MAP4K1: variants seen among roughly 807,000 people sequenced by gnomAD.
The protein encoded by MAP4K1 is mitogen-activated protein kinase kinase kinase kinase 1, also known as MAPK/ERK kinase kinase kinase 1.
MAP4K1 carries 35 observed loss-of-function variants against 122.8 expected under a neutral mutation model. The observed-to-expected ratio is 0.29, with a 90% CI of 0.22 to 0.38. MAP4K1 has a LOEUF of 0.38. MAP4K1 is among the 10% of genes least tolerant of loss of function. The pLI is 1.00. For missense variants in MAP4K1, 791 were observed against 1,072.6 expected (o/e 0.74, Z 3.67); for synonymous variants, 412 against 421.3 (o/e 0.98, Z 0.27).
chr19:38,601,367 C>A, intron 20 of MAP4K1, 74 bp downstream of exon 20: 1 of 1,389,756 alleles, frequency 7.2e-7, no homozygotes, highest in South Asian at 1.2e-5. Flanking sequence ...TTGTGCCTTC[C>A]TTAGGCTTCT....
chr19:38,616,367 G>C (rs1038356866), intron 3 of MAP4K1, 108 bp from the exon 4 acceptor site: 1 of 736,586 alleles, frequency 1.4e-6, no homozygotes, highest in South Asian at 2.0e-5. Flanking sequence ...GAACTTTAAC[G>C]TAACAGCTCT....
chr19:38,616,360 C>T (rs1396561849), intron 3 of MAP4K1, 101 bp from the exon 4 acceptor site: 2 of 830,868 alleles, frequency 2.4e-6, no homozygotes, highest in Non-Finnish European at 3.7e-6. Context: ...TCAATAAGAA[C>T]TTTAACGTAA....
chr19:38,596,144 A>AC, intron 26 of MAP4K1, 143 bp from the exon 27 acceptor site: 1 of 1,153,546 alleles, frequency 8.7e-7, no homozygotes. Context: ...TCCCGGTCCC[A>AC]CCCCATCATC....
chr19:38,614,403 C>T lies in MAP4K1; in HGVS notation c.356G>A (p.Arg119Gln), dbSNP rs757141331. 4.3e-6 allele frequency: 7 copies of T among 1,614,100 alleles called. No individual in the cohort carries two copies. Among genetic ancestry groups the T allele is most frequent in the African/African-American group, 4.0e-5 (3 of 74,946 alleles). Residue 119 changes from arginine to glutamine, a missense_variant, in exon 5 of 31, where the codon CGG becomes CAG. Arg to Gln is a conservative substitution (Grantham distance 43, BLOSUM62 1). This residue lies in a region of MAP4K1 where 163 missense variants were observed against 286.1 expected (regional missense o/e 0.57). Transcript: ENST00000396857. The part of the protein sequence containing the change: ...LSELQISYVC[R>Q]EVLQGLAYLH... ...GCCTCTCCTTACCTGGAGCACTTCC[C>T]GGCAGACATAGCTAATCTGGAGCTC...
Position 38,596,883 on chromosome 19 carries a change from AGCGCAGACCGCAGGTGG to A in MAP4K1, c.1941+134_1941+150del, listed in dbSNP as rs534971637. On this transcript the variant is annotated intron_variant, in intron 25 of 30. Coordinates refer to ENST00000396857, the MANE Select transcript of MAP4K1 (RefSeq NM_001042600.3). ...ATGGCTTCAGAAGGACGAGGCTCCA[AGCGCAGACCGCAGGTGG>A]GCGGGGCCTCGGGAGATTGGGGCGG... 934 of 718,454 alleles carry A rather than the reference AGCGCAGACCGCAGGTGG, an allele frequency of 1.3e-3. 6 individuals are homozygous for A. The African/African-American group carries it at 0.015, about 11-fold the overall frequency. 44.5% of individuals were successfully genotyped at this position (718,454 alleles called of 1,614,324 possible). A position where few individuals can be genotyped will look rare whatever the true frequency, so the allele number is the denominator to read the frequency against.
intron 30 of MAP4K1, among the ~76,000 whole-genome samples, chr19:38,593,055 G>A (rs1052710873): frequency 6.6e-6 from 1 of 152,030 alleles, no homozygotes; most frequent in South Asian, 2.1e-4. Context: ...AGCCGTGGTC[G>A]TGCCATTGCA....
At chr19:38,605,529 C>T in intron 18 of MAP4K1, 38 bp from the exon 19 acceptor site, 1 of 1,533,938 alleles carries the variant, frequency 6.5e-7, no homozygotes, top group Non-Finnish European at 8.8e-7. Flanking sequence ...CCCAAGAACC[C>T]CCAACCCTCC....
At chr19:38,603,132 A>ATATACATATATACACACATATACATG (rs1975185710) in intron 19 of MAP4K1, among the ~76,000 whole-genome samples, 5 of 104,968 alleles carry the variant, frequency 4.8e-5, no homozygotes, top group Non-Finnish European at 9.6e-5. Flanking sequence ...ATATATACGC[A>ATATACATATATACACACATATACATG]TATACATATA....
intron 29 of MAP4K1, 35 bp downstream of exon 29, chr19:38,595,450 G>A: frequency 3.7e-6 from 6 of 1,607,796 alleles, no homozygotes; most frequent in African/African-American, 1.3e-5. Context: ...GGAGGCTGGG[G>A]GGCAGTGATG....
chr19:38,606,282 G>T, intron 16 of MAP4K1, 67 bp from the exon 17 acceptor site: 1 of 775,742 alleles, frequency 1.3e-6, no homozygotes, highest in Non-Finnish European at 2.1e-6. Context: ...AGATGGCATG[G>T]TTCTGGGCTG....
At chr19:38,602,401 T>C (rs1175228092) in intron 19 of MAP4K1, among the ~76,000 whole-genome samples, 5 of 147,252 alleles carry the variant, frequency 3.4e-5, no homozygotes, top group African/African-American at 1.0e-4. Flanking sequence ...CACATATACA[T>C]ATATATATAG....
At chr19:38,600,559 T>C (rs59969724) in intron 20 of MAP4K1, among the ~76,000 whole-genome samples, 3,121 of 152,208 alleles carry the variant, frequency 0.021, 102 homozygotes, top group African/African-American at 0.068. Flanking sequence ...CAGTGTGACC[T>C]GTTCCTTTAA....
At chr19:38,603,107 TATATACACATGTACATATATACGC>T in intron 19 of MAP4K1, among the ~76,000 whole-genome samples, 1 of 141,714 alleles carries the variant, frequency 7.1e-6, no homozygotes, top group Non-Finnish European at 1.5e-5. Flanking sequence ...CACATGTACA[TATATACACATGTACATATATACGC>T]ATATACATAT....
intron 22 of MAP4K1, among the ~76,000 whole-genome samples, chr19:38,599,648 G>C (rs113888016): frequency 0.087 from 13,157 of 151,706 alleles, 671 homozygotes; most frequent in South Asian, 0.16. Context: ...AGTGACAGAG[G>C]GAGACTCTGT....
chr19:38,605,515 A>G (rs1346236532), intron 18 of MAP4K1, 24 bp from the exon 19 acceptor site: 2 of 1,548,428 alleles, frequency 1.3e-6, no homozygotes, highest in African/African-American at 2.7e-5. Flanking sequence ...GGAGAAAATC[A>G]GCCCCCAAGA....
intron 20 of MAP4K1, among the ~76,000 whole-genome samples, chr19:38,600,953 G>A (rs957766388): frequency 6.6e-6 from 1 of 151,922 alleles, no homozygotes; most frequent in East Asian, 1.9e-4. Flanking sequence ...TTATAGGCAC[G>A]TGCTACCACG....
intron 19 of MAP4K1, among the ~76,000 whole-genome samples, chr19:38,602,552 A>T (rs1184435220): frequency 6.9e-6 from 1 of 145,962 alleles, no homozygotes; most frequent in African/African-American, 2.5e-5. Context: ...ATACATATAT[A>T]TACACACATA....
At chr19:38,609,756 G>A in intron 12 of MAP4K1, 82 bp from the exon 13 acceptor site, 1 of 1,382,032 alleles carries the variant, frequency 7.2e-7, no homozygotes, top group Non-Finnish European at 1.0e-6. Context: ...GCTCTCTCCT[G>A]TAACCCTCTG....
chr19:38,596,627 G>T (rs1016164471), intron 25 of MAP4K1, 141 bp from the exon 26 acceptor site: 5 of 746,570 alleles, frequency 6.7e-6, no homozygotes, highest in Non-Finnish European at 1.1e-5. Context: ...AGGGGATAAG[G>T]CCTGGTGCCT....
Sources: gnomAD v4.1 joint callset for allele counts (sites outside exome capture counted in the v4.1 genomes callset) on GRCh38, gnomAD v4.1.1 for gene constraint, gnomAD v4.1.1 regional missense constraint, MANE v1.5 for transcripts, NCBI Gene and HGNC (gene_info 2026-07-23, HGNC 2026-07-21) for gene names.